NUDC: variants seen among roughly 807,000 people sequenced by gnomAD.
NUDC encodes nuclear migration protein nudC.
Under a neutral mutation model 45.0 loss-of-function variants are expected in NUDC, and 14 were observed. The observed-to-expected ratio is 0.31, with a 90% CI of 0.21 to 0.49. The LOEUF (loss-of-function observed/expected upper bound fraction) is 0.49, where lower values mean the gene tolerates loss of function less well. Among genes scored for constraint, NUDC ranks in the 20% least tolerant of loss-of-function variants. NUDC has a pLI of 0.99. For synonymous variants in NUDC, 153 were observed against 156.7 expected, an observed-to-expected ratio of 0.98 and a Z score of 0.17; for missense variants, 323 against 426.2, an observed-to-expected ratio of 0.76 and a Z score of 2.13.
chr1:26,911,726 C>T, intron 3 of NUDC: 1 of 1,194,108 alleles, frequency 8.4e-7, no homozygotes, highest in Middle Eastern at 1.9e-4. Context: ...CCTAAGGAGC[C>T]AAGTGCTGTC....
upstream of NUDC, among the ~76,000 whole-genome samples, chr1:26,918,867 C>T (rs1045158001): frequency 6.6e-6 from 1 of 152,056 alleles, no homozygotes; most frequent in Non-Finnish European, 1.5e-5. Flanking sequence ...TGAGCCACTG[C>T]ACCCAGCCTA....
In NUDC at chr1:26,945,696, TCAGAGAC is replaced by T; in HGVS notation, c.944+11_944+17del. 2 of 1,605,702 alleles carry T rather than the reference TCAGAGAC, an allele frequency of 1.2e-6. No individual in the cohort carries two copies. Among genetic ancestry groups the T allele is most frequent in the Non-Finnish European group, 1.7e-6 (2 of 1,172,894 alleles). ...AGGAGATTCTGAAGAAGTGAGCAAT[TCAGAGAC>T]GGGGTTGGGGGACCGTGGGTGCCTG... On this transcript the variant is annotated intron_variant, in intron 8 of 8. Coordinates refer to ENST00000321265, the MANE Select transcript of NUDC (RefSeq NM_006600.4).
rs753062365 is a variant in NUDC at position 26,931,988 on chromosome 1, T to C, written c.159+7822T>C. ...GGTGTGAGCCACCACGCTTGGCCCC[T>C]TTTTTTTTTTTTAATTTTTATTTAA... is the stretch of plus-strand genomic sequence containing the variant. On this transcript the variant is annotated intron_variant, in intron 2 of 8. Transcript: ENST00000321265. Among the ~76,000 whole-genome samples, 141 of 135,786 alleles carry C rather than the reference T, an allele frequency of 1.0e-3. 1 individual carries two copies. The highest frequency in any genetic ancestry group is 1.2e-3 in the Admixed American group (15 of 12,684). The allele number at this position is 135,786 out of a possible 152,430, so 89.1% of individuals were successfully genotyped here.
chr1:26,942,832 C>T (rs2082289654), intron 5 of NUDC, 39 bp from the exon 6 acceptor site: 2 of 1,614,030 alleles, frequency 1.2e-6, no homozygotes, highest in Non-Finnish European at 8.5e-7. Flanking sequence ...GTACCAGCAG[C>T]ACTTAGTGGC....
intron 3 of NUDC, chr1:26,913,294 T>A (rs927603106): frequency 3.1e-6 from 3 of 979,594 alleles, no homozygotes; most frequent in Non-Finnish European, 4.8e-6. Flanking sequence ...CTCAGAAAAA[T>A]AAAAAGAAAA....
chr1:26,904,408 G>A (rs1344489357), intron 2 of NUDC, among the ~76,000 whole-genome samples: 2 of 151,838 alleles, frequency 1.3e-5, no homozygotes, highest in African/African-American at 2.4e-5. Flanking sequence ...GGCCTCAAGT[G>A]ATCCACCCAA....
At position 26,946,570 on chromosome 1, in the gene NUDC, G is replaced by A; in HGVS notation, c.*389G>A. ...TTACTTAAAGATTAAAACAAGGCTT[G>A]GCCGGGTGTGATGGTTCATGTCTGT... On this transcript the variant is annotated 3_prime_UTR_variant, in exon 9 of 9. Transcript: ENST00000321265. 4 of 315,220 alleles carry A rather than the reference G, an allele frequency of 1.3e-5. No homozygotes were observed. Among genetic ancestry groups the A allele is most frequent in the Non-Finnish European group, 1.9e-5 (3 of 161,488 alleles). The allele number at this position is 315,220 out of a possible 1,614,324, so 19.5% of individuals were successfully genotyped here. A position where few individuals can be genotyped will look rare whatever the true frequency, so the allele number is the denominator to read the frequency against.
In NUDC at chr1:26,943,037, G is replaced by A; in HGVS notation, c.713G>A (p.Gly238Asp). ...VEESSWLIEDGKVVTVHLEKI... is the reference protein window; with the variant it reads ...VEESSWLIEDDKVVTVHLEKI... ...GAGAGCTCGTGGCTCATTGAGGACGGCAAGGTGGTGACTGTGCATCTGGAG... is the reference window on the plus strand; with the variant it reads ...GAGAGCTCGTGGCTCATTGAGGACGACAAGGTGGTGACTGTGCATCTGGAG... Residue 238 changes from glycine (G) to aspartate (D), a missense_variant, in exon 6 of 9, where the codon GGC becomes GAC. By Grantham distance (94) the Gly-to-Asp change is moderately conservative (BLOSUM62 -1). Around this residue, in one of 3 missense-constraint regions of NUDC, gnomAD observed 245 missense variants for 278.8 expected, o/e 0.88. Transcript: ENST00000321265. The A allele has an allele frequency of 6.2e-7, 1 of 1,614,122 alleles. No homozygotes were observed. Among genetic ancestry groups the A allele is most frequent in the Non-Finnish European group, 8.5e-7 (1 of 1,180,014 alleles).
chr1:26,903,669 A>G (rs1013535347), intron 2 of NUDC, among the ~76,000 whole-genome samples: 1 of 152,010 alleles, frequency 6.6e-6, no homozygotes, highest in African/African-American at 2.4e-5. Context: ...GGAGTTGGAG[A>G]CCAGCCTGGG....
At chr1:26,910,028 A>T (rs1329797610) in intron 2 of NUDC, among the ~76,000 whole-genome samples, 5 of 152,186 alleles carry the variant, frequency 3.3e-5, no homozygotes, top group Non-Finnish European at 5.9e-5. Flanking sequence ...AGGATCCTGA[A>T]GATGCACAGA....
Position 26,941,569 on chromosome 1 carries a change from T to C in NUDC, c.272T>C (p.Leu91Pro), listed in dbSNP as rs1023406251. The change falls in exon 3 of 9, where the codon CTG becomes CCG. Residue 91 changes from leucine to proline, a missense_variant. Physicochemically the swap from Leu to Pro is moderately conservative, Grantham distance 98 (BLOSUM62 -3). Transcript: ENST00000321265. ...RREKAERAAR[L>P]AKEAKSETSG... The stretch of plus-strand genomic sequence containing the variant: ...GAGAAGGCGGAGCGGGCGGCCAGAC[T>C]GGCCAAGGAAGCCAAGTCAGAGACC... The C allele has an allele frequency of 5.0e-6, 8 of 1,611,724 alleles. No homozygotes were observed. The highest frequency in any genetic ancestry group is 3.4e-5 in the Admixed American group (2 of 59,532).
intron 1 of NUDC, 115 bp from the exon 2 acceptor site, chr1:26,923,974 A>C: frequency 3.4e-6 from 3 of 891,348 alleles, no homozygotes; most frequent in Non-Finnish European, 3.8e-6. Context: ...TGGGAAGCTC[A>C]GAGGAAAAAT....
chr1:26,906,333 G>A (rs969096102), intron 2 of NUDC, among the ~76,000 whole-genome samples: 2 of 152,010 alleles, frequency 1.3e-5, no homozygotes, highest in African/African-American at 4.8e-5. Context: ...GCGCATGCCT[G>A]TAATCCCAGC....
intron 4 of NUDC, among the ~76,000 whole-genome samples, chr1:26,942,286 G>A (rs2082284029): frequency 2.6e-5 from 4 of 152,000 alleles, no homozygotes; most frequent in Admixed American, 2.6e-4. Flanking sequence ...GCAAGACTCC[G>A]TCCCAAAAAA....
At chr1:26,937,933 G>A (rs1448008537) in intron 2 of NUDC, among the ~76,000 whole-genome samples, 1 of 152,302 alleles carries the variant, frequency 6.6e-6, no homozygotes, top group African/African-American at 2.4e-5. Flanking sequence ...ACAGATGGGA[G>A]CCCCCGTGCC....
At chr1:26,900,523 T>G (rs1196782171) in intron 1 of NUDC, 21 of 1,219,888 alleles carry the variant, frequency 1.7e-5, no homozygotes, top group Non-Finnish European at 2.4e-5. Context: ...GTTGCGAGAT[T>G]GTGAAAATTC....
chr1:26,931,577 G>A (rs2082184296), intron 2 of NUDC, among the ~76,000 whole-genome samples: 1 of 149,724 alleles, frequency 6.7e-6, no homozygotes, highest in Non-Finnish European at 1.5e-5. Flanking sequence ...TCAGGAGATC[G>A]AGACTATCCT....
At chr1:26,918,255 C>G (rs1456107698), upstream of NUDC, among the ~76,000 whole-genome samples, 7 of 150,402 alleles carry the variant, frequency 4.7e-5, 1 homozygote, top group South Asian at 1.1e-3. Context: ...TCACTGCAAC[C>G]TCTGCCTCAG....
chr1:26,934,322 C>A (rs1438576500), intron 2 of NUDC, among the ~76,000 whole-genome samples: 2 of 152,166 alleles, frequency 1.3e-5, no homozygotes, highest in African/African-American at 4.8e-5. Flanking sequence ...CTTGTGAGAA[C>A]TCACTCGTAT....
Sources: gnomAD v4.1 joint callset for allele counts (sites outside exome capture counted in the v4.1 genomes callset) on GRCh38, gnomAD v4.1.1 for gene constraint, gnomAD v4.1.1 regional missense constraint, MANE v1.5 for transcripts, NCBI Gene and HGNC (gene_info 2026-07-23, HGNC 2026-07-21) for gene names.